MAGEC3: variants seen among roughly 807,000 people sequenced by gnomAD.
The protein encoded by MAGEC3 is MAGE family member C3.
In MAGEC3, 34 loss-of-function variants were observed where a neutral mutation model predicts 35.3. The ratio of observed to expected loss-of-function variants is 0.96; its 90% CI spans 0.73 to 1.28. The LOEUF (loss-of-function observed/expected upper bound fraction) is 1.28, where lower values mean the gene tolerates loss of function less well. Among genes scored for constraint, MAGEC3 ranks in the 50% most tolerant of loss-of-function variants. The pLI is 0.00. For missense variants in MAGEC3, 561 were observed against 483.6 expected, an observed-to-expected ratio of 1.16 and a Z score of -1.50; for synonymous variants, 202 against 185.6, an observed-to-expected ratio of 1.09 and a Z score of -0.72.
intron 1 of MAGEC3, among the ~76,000 whole-genome samples, chrX:141,860,912 C>T: frequency 9.0e-6 from 1 of 111,405 alleles, no homozygotes; most frequent in African/African-American, 3.3e-5. Flanking sequence ...TACTTAGTGC[C>T]ATGGAACTGT....
chrX:141,879,114 G>A, intron 2 of MAGEC3, 61 bp from the exon 3 acceptor site: 1 of 1,119,738 alleles, frequency 8.9e-7, no homozygotes, highest in Non-Finnish European at 1.2e-6. Context: ...CTCTCGGGAA[G>A]GCAGGAAGGG....
intron 4 of MAGEC3, chrX:141,894,955 T>A: frequency 2.1e-6 from 1 of 465,530 alleles, no homozygotes; most frequent in Non-Finnish European, 2.7e-6. Flanking sequence ...TAGGAAAAGG[T>A]GGGAGGGAGT....
At chrX:141,869,124 T>G (rs1467320531) in intron 2 of MAGEC3, among the ~76,000 whole-genome samples, 2 of 110,463 alleles carry the variant, frequency 1.8e-5, no homozygotes, top group African/African-American at 3.3e-5. Flanking sequence ...GATCTCGTAA[T>G]CCACCTGCCT....
chrX:141,857,662 T>C (rs1321179023), intron 1 of MAGEC3, among the ~76,000 whole-genome samples: 1 of 111,052 alleles, frequency 9.0e-6, no homozygotes, highest in Non-Finnish European at 1.9e-5. Context: ...TGTTCTTTCC[T>C]ATACTCCAGA....
intron 2 of MAGEC3, among the ~76,000 whole-genome samples, chrX:141,866,886 G>A (rs1197096422): frequency 2.7e-5 from 3 of 111,756 alleles, no homozygotes; most frequent in Admixed American, 9.5e-5. Context: ...ATACTTTCAC[G>A]TATGCGTAAA....
At chrX:141,854,166 G>C (rs1011400937) in intron 1 of MAGEC3, among the ~76,000 whole-genome samples, 1 of 111,395 alleles carries the variant, frequency 9.0e-6, no homozygotes, top group Non-Finnish European at 1.9e-5. Context: ...CAGGAAGGGA[G>C]ATTGATATTT....
rs2018079682 is a variant in MAGEC3, at chrX:141,895,309, G to A, written c.950G>A (p.Arg317Gln). The A allele has an allele frequency of 5.0e-6, 6 of 1,210,939 alleles. No homozygotes were observed. In the East Asian group the frequency reaches 1.2e-4, roughly 24 times the overall value. ...ALAGFADVLS[R>Q]LALWESEGPE... ...GCAGGGTTCGCGGATGTGCTTTCCC[G>A]ACTTGCACTGTGGGAGTCTGAAGGA... is the stretch of plus-strand genomic sequence containing the variant. The change falls in exon 5 of 8, where the codon CGA becomes CAA. Residue 317 changes from arginine to glutamine, a missense_variant. Physicochemically the swap from Arg to Gln is conservative, Grantham distance 43 (BLOSUM62 1). Transcript: ENST00000298296.
intron 2 of MAGEC3, among the ~76,000 whole-genome samples, chrX:141,871,927 A>C (rs893585228): frequency 1.8e-5 from 2 of 109,027 alleles, no homozygotes; most frequent in African/African-American, 3.3e-5. Flanking sequence ...CAGAGGGTTC[A>C]CACGGGCAAT....
At chrX:141,875,815 T>C (rs2017916750) in intron 2 of MAGEC3, among the ~76,000 whole-genome samples, 1 of 112,183 alleles carries the variant, frequency 8.9e-6, no homozygotes, top group African/African-American at 3.2e-5. Context: ...TGCCTCCCAG[T>C]CTAGGAGAAG....
At chrX:141,859,333 G>C (rs779927703) in intron 1 of MAGEC3, among the ~76,000 whole-genome samples, 6 of 111,387 alleles carry the variant, frequency 5.4e-5, no homozygotes, top group Non-Finnish European at 1.1e-4. Context: ...TGAGTGTAAA[G>C]TGATATCCAT....
chrX:141,839,972 C>G, intron 1 of MAGEC3: 8 of 743,774 alleles, frequency 1.1e-5, no homozygotes, highest in Non-Finnish European at 1.3e-5. Context: ...AGTGAGAAAC[C>G]CTGAGTTTAA....
intron 4 of MAGEC3, among the ~76,000 whole-genome samples, chrX:141,887,600 G>A (rs2018012228): frequency 8.9e-6 from 1 of 111,841 alleles, no homozygotes; most frequent in African/African-American, 3.3e-5. Flanking sequence ...CCTCATTTGG[G>A]TGTGTTACTC....
In MAGEC3 at chrX:141,881,719, C is replaced by A; in HGVS notation, c.832C>A (p.Leu278Ile). ...CATGCCCCAGAACCGCCTCCTGATT[C>A]TTATTCTGAGTGTGATCTTCATAAA... ...QGMPQNRLLI[L>I]ILSVIFIKGN... is the part of the protein sequence containing the mutation. Residue 278 changes from leucine (L) to isoleucine (I), a missense_variant, in exon 4 of 8, where the codon CTT becomes ATT. Coordinates refer to ENST00000298296, the MANE Select transcript of MAGEC3 (RefSeq NM_138702.1). 8.3e-7 allele frequency: 1 copy of A among 1,211,566 alleles called. No individual in the cohort carries two copies. The highest frequency in any genetic ancestry group is 1.1e-6 in the Non-Finnish European group (1 of 895,476).
intron 1 of MAGEC3, among the ~76,000 whole-genome samples, chrX:141,857,287 T>C: frequency 9.0e-6 from 1 of 111,222 alleles, no homozygotes; most frequent in Middle Eastern, 4.6e-3. Context: ...ATCCACTGAT[T>C]TTTGCCTACA....
intron 1 of MAGEC3, among the ~76,000 whole-genome samples, chrX:141,840,494 T>C (rs1043192506): frequency 8.9e-6 from 1 of 112,010 alleles, no homozygotes; most frequent in Non-Finnish European, 1.9e-5. Context: ...TTTGAATTTG[T>C]TCTATGTAGC....
At chrX:141,872,809 G>T (rs1208798971) in intron 2 of MAGEC3, among the ~76,000 whole-genome samples, 1 of 112,004 alleles carries the variant, frequency 8.9e-6, no homozygotes, top group Non-Finnish European at 1.9e-5. Flanking sequence ...CTGGGGAGTA[G>T]CCCCGGCCTG....
intron 4 of MAGEC3, among the ~76,000 whole-genome samples, chrX:141,892,582 T>G (rs908307055): frequency 9.0e-6 from 1 of 111,323 alleles, no homozygotes; most frequent in Non-Finnish European, 1.9e-5. Flanking sequence ...TATTTAATAA[T>G]AATGATTATT....
chrX:141,896,957 C>T lies in MAGEC3; in HGVS notation c.1199C>T (p.Pro400Leu), dbSNP rs1286889916. The T allele has an allele frequency of 8.4e-6, 10 of 1,190,263 alleles. No individual in the cohort carries two copies. The highest frequency in any genetic ancestry group is 2.4e-5 in the Admixed American group (1 of 42,289). ...CCTGAGATTCCTCCCCAGGGTCCTC[C>T]CAAGATCTCTCCCCAGGGTCCTCCG... Reference protein sequence around the residue: ...SPPEIPPQGPPKISPQGPPQS... With the variant: ...SPPEIPPQGPLKISPQGPPQS... Residue 400 changes from proline to leucine, a missense_variant, in exon 7 of 8, where the codon CCC becomes CTC. Coordinates refer to ENST00000298296, the MANE Select transcript of MAGEC3 (RefSeq NM_138702.1).
At chrX:141,856,552 CAAAT>C (rs1469663574) in intron 1 of MAGEC3, among the ~76,000 whole-genome samples, 1 of 104,056 alleles carries the variant, frequency 9.6e-6, no homozygotes, top group African/African-American at 3.6e-5. Context: ...GTGCCATAAT[CAAAT>C]AAAGGTATAT....
Sources: allele counts gnomAD v4.1 joint callset (sites outside exome capture counted in the v4.1 genomes callset), GRCh38; gene constraint gnomAD v4.1.1; transcripts MANE v1.5; gene names NCBI Gene and HGNC (gene_info 2026-07-23, HGNC 2026-07-21).